The following NSD1 variants were observed in gnomAD, a reference collection of about 807,000 sequenced individuals.
The protein encoded by NSD1 is histone-lysine N-methyltransferase, H3 lysine-36 specific.
Under a neutral mutation model 242.7 loss-of-function variants are expected in NSD1, and 26 were observed. The observed-to-expected ratio is 0.11, with a 90% CI of 0.08 to 0.15. NSD1 has a LOEUF of 0.15. Ranked by LOEUF, NSD1 falls within the 10% of genes least tolerant of loss-of-function variation. NSD1 has a pLI of 1.00. For synonymous variants in NSD1, 1,106 were observed against 1,178.1 expected, an observed-to-expected ratio of 0.94 and a Z score of 1.25; for missense variants, 2,495 against 3,272.8, an observed-to-expected ratio of 0.76 and a Z score of 5.80.
At chr5:177,182,966 A>T (rs1461392041) in intron 2 of NSD1, among the ~76,000 whole-genome samples, 1 of 151,994 alleles carries the variant, frequency 6.6e-6, no homozygotes, top group African/African-American at 2.4e-5. Context: ...AGTAAAGATG[A>T]GGTCTCACTT....
rs1427798698 is a variant in NSD1 at position 177,258,774 on chromosome 5, G to A, written c.4967-1215G>A. On this transcript the variant is annotated intron_variant, in intron 13 of 22. Coordinates refer to ENST00000439151, the MANE Select transcript of NSD1 (RefSeq NM_022455.5). ...TGGTCTCGAACTCCTGACGTCAGGT[G>A]ATCTGCCTGCCTCAGCCTCCCAAAG... Among the ~76,000 whole-genome samples, 4 of 152,176 alleles carry A rather than the reference G, an allele frequency of 2.6e-5. No homozygotes were observed. In the East Asian group the frequency reaches 7.7e-4, roughly 29 times the overall value.
At chr5:177,232,640 A>G (rs1765149409) in intron 5 of NSD1, among the ~76,000 whole-genome samples, 1 of 152,250 alleles carries the variant, frequency 6.6e-6, no homozygotes, top group Non-Finnish European at 1.5e-5. Context: ...TGCAGGCTGG[A>G]TGCACCAACA....
intron 7 of NSD1, 107 bp from the exon 8 acceptor site, chr5:177,239,649 A>C (rs553688741): frequency 1.5e-6 from 1 of 688,294 alleles, no homozygotes; most frequent in African/African-American, 1.8e-5. Context: ...GATGACGGGG[A>C]AAACATCAAA....
intron 2 of NSD1, among the ~76,000 whole-genome samples, chr5:177,191,020 A>C (rs2149820098): frequency 7.8e-6 from 1 of 128,628 alleles, no homozygotes; most frequent in East Asian, 2.4e-4. Context: ...GCCGAGGCTA[A>C]AGTACGGTGG....
Position 177,280,844 on chromosome 5 carries a change from A to G in NSD1, c.5892+10A>G. Reference sequence around the variant, plus strand: ...AACAGATATTAAAAAGGTTAGAAAAAGCTAAATTACCATATACTTTCTCCT... The same window carrying G: ...AACAGATATTAAAAAGGTTAGAAAAGGCTAAATTACCATATACTTTCTCCT... On this transcript the variant is annotated intron_variant, in intron 18 of 22. Transcript: ENST00000439151. 6.2e-7 allele frequency: 1 copy of G among 1,614,068 alleles called. No individual in the cohort carries two copies. The highest frequency in any genetic ancestry group is 8.5e-7 in the Non-Finnish European group (1 of 1,179,972).
intron 20 of NSD1, among the ~76,000 whole-genome samples, chr5:177,285,115 C>G (rs149715558): frequency 2.7e-4 from 41 of 152,254 alleles, no homozygotes; most frequent in African/African-American, 9.4e-4. Flanking sequence ...GAAAGTAAAT[C>G]TGGTATGGCT....
intron 4 of NSD1, among the ~76,000 whole-genome samples, chr5:177,208,113 A>G (rs966543796): frequency 6.6e-6 from 1 of 152,150 alleles, no homozygotes; most frequent in Non-Finnish European, 1.5e-5. Context: ...CACAAATATT[A>G]AACTATTTGT....
At chr5:177,200,040 T>C (rs1762397368) in intron 3 of NSD1, among the ~76,000 whole-genome samples, 1 of 152,150 alleles carries the variant, frequency 6.6e-6, no homozygotes, top group African/African-American at 2.4e-5. Context: ...TTTTCCCATA[T>C]CCCCATCATT....
chr5:177,266,036 A>G, intron 14 of NSD1: 1 of 1,054,076 alleles, frequency 9.5e-7, no homozygotes, highest in South Asian at 1.3e-5. Flanking sequence ...GAAGCCATAA[A>G]CGTTCTCCCA....
intron 2 of NSD1, among the ~76,000 whole-genome samples, chr5:177,185,797 A>ATATATATT (rs1554184219): frequency 1.1e-5 from 1 of 91,076 alleles, no homozygotes; most frequent in African/African-American, 4.8e-5. Flanking sequence ...TATTATATAT[A>ATATATATT]TATATATATA....
chr5:177,259,952 GTTTTTC>G, intron 13 of NSD1, 31 bp from the exon 14 acceptor site: 1 of 1,611,434 alleles, frequency 6.2e-7, no homozygotes, highest in Non-Finnish European at 8.5e-7. Context: ...TAATATTTTT[GTTTTTC>G]TTTTGCTTGT....
At chr5:177,213,504 G>T (rs1238829670) in intron 5 of NSD1, among the ~76,000 whole-genome samples, 4 of 151,932 alleles carry the variant, frequency 2.6e-5, no homozygotes, top group African/African-American at 9.7e-5. Context: ...GTCTCGCTCT[G>T]TTACCCAGGC....
intron 16 of NSD1, among the ~76,000 whole-genome samples, chr5:177,270,974 G>C (rs1285399313): frequency 1.3e-5 from 2 of 152,068 alleles, no homozygotes; most frequent in Non-Finnish European, 2.9e-5. Context: ...TGTAATCTCA[G>C]GTGGTCAGGG....
At chr5:177,147,610 A>G (rs1757361727) in intron 2 of NSD1, among the ~76,000 whole-genome samples, 1 of 150,208 alleles carries the variant, frequency 6.7e-6, no homozygotes, top group South Asian at 2.1e-4. Context: ...TTTTTTTGAG[A>G]CGGAGTTTCA....
intron 5 of NSD1, among the ~76,000 whole-genome samples, chr5:177,229,601 C>G (rs1271606951): frequency 6.6e-6 from 1 of 152,128 alleles, no homozygotes. Context: ...CTTTGCTCCT[C>G]TGTAGTAAGA....
At chr5:177,139,684 G>C (rs1240125237) in intron 2 of NSD1, among the ~76,000 whole-genome samples, 1 of 152,134 alleles carries the variant, frequency 6.6e-6, no homozygotes, top group Non-Finnish European at 1.5e-5. Context: ...GCTGGGCTTG[G>C]TGGCTAACAC....
At chr5:177,290,108 G>T (rs554222214) in intron 21 of NSD1, among the ~76,000 whole-genome samples, 1 of 151,046 alleles carries the variant, frequency 6.6e-6, no homozygotes, top group Non-Finnish European at 1.5e-5. Context: ...GATTACAGGC[G>T]TGAGCCACTG....
chr5:177,148,486 G>A (rs1402052084), intron 2 of NSD1, among the ~76,000 whole-genome samples: 2 of 151,996 alleles, frequency 1.3e-5, no homozygotes, highest in Admixed American at 1.3e-4. Context: ...GGGCAGTGGC[G>A]CGATCCTGGC....
rs1760397070 is a variant in NSD1, at chr5:177,298,699, C to T, written c.*3240C>T. On this transcript the variant is annotated 3_prime_UTR_variant, in exon 23 of 23. Transcript: ENST00000439151. ...ATGAAACACCCTGTTGATCCCTTCC[C>T]AGGCTCGGCACTGTCTGCTCACTGG... is the stretch of plus-strand genomic sequence containing the variant. 2 of 233,160 alleles carry T rather than the reference C, an allele frequency of 8.6e-6. No homozygotes were observed. Among genetic ancestry groups the T allele is most frequent in the African/African-American group, 2.2e-5 (1 of 45,336 alleles). The allele number at this position is 233,160 out of a possible 1,614,324, so 14.4% of individuals were successfully genotyped here.
Sources: gnomAD v4.1 joint callset for allele counts (sites outside exome capture counted in the v4.1 genomes callset) on GRCh38, gnomAD v4.1.1 for gene constraint, MANE v1.5 for transcripts, NCBI Gene and HGNC (gene_info 2026-07-23, HGNC 2026-07-21) for gene names.